KIAA0232: variants seen among roughly 807,000 people sequenced by gnomAD.
The protein encoded by KIAA0232 is KIAA0232, also known as uncharacterized protein KIAA0232.
A neutral mutation model predicts 122.0 loss-of-function variants in KIAA0232; 27 were observed. The observed-to-expected ratio is 0.22, with a 90% CI of 0.16 to 0.31. KIAA0232 has a LOEUF of 0.31. KIAA0232 is among the 10% of genes least tolerant of loss of function. KIAA0232 has a pLI of 1.00. For synonymous variants in KIAA0232, 613 were observed against 587.6 expected, an observed-to-expected ratio of 1.04 and a Z score of -0.63; for missense variants, 1,551 against 1,634.2, an observed-to-expected ratio of 0.95 and a Z score of 0.88.
At chr4:6,813,414 A>C (rs1044663151) in intron 2 of KIAA0232, among the ~76,000 whole-genome samples, 1 of 151,390 alleles carries the variant, frequency 6.6e-6, no homozygotes, top group South Asian at 2.1e-4. Context: ...CCAGGCTGGA[A>C]TGCAGTGGCG....
intron 2 of KIAA0232, among the ~76,000 whole-genome samples, chr4:6,814,723 G>A (rs901375857): frequency 1.3e-5 from 2 of 152,126 alleles, no homozygotes; most frequent in African/African-American, 2.4e-5. Flanking sequence ...GCTATTAAGT[G>A]GCAGAGGTGG....
Position 6,863,979 on chromosome 4 carries a change from T to C in KIAA0232, c.3597T>C (p.Thr1199=), listed in dbSNP as rs746807221. Residue 1199 remains threonine, a synonymous_variant, in exon 7 of 10, where the codon ACT becomes ACC. Coordinates refer to ENST00000307659, the MANE Select transcript of KIAA0232 (RefSeq NM_014743.3). ...CACTGGATTCCCAGGAGGAATCAAC[T>C]GGGATTCTTTCAGTAGGAAAGCAAA... ...QTSLDSQEES[T]GILSVGKQNQ... The C allele has an allele frequency of 2.5e-6, 4 of 1,614,108 alleles. No individual in the cohort carries two copies. The South Asian group carries it at 4.4e-5, about 18-fold the overall frequency.
rs1021945898 is a variant in KIAA0232 at position 6,804,601 on chromosome 4, C to T, written c.-275C>T. Reference sequence around the variant, plus strand: ...CCGGAGAATGCGTTGAGAATGAAGACAACCAGTAAGTCCCTAAGTGTATGT... The same window carrying T: ...CCGGAGAATGCGTTGAGAATGAAGATAACCAGTAAGTCCCTAAGTGTATGT... On this transcript the variant is annotated 5_prime_UTR_variant, in exon 2 of 10. Transcript: ENST00000307659. The T allele has an allele frequency of 3.3e-5, 5 of 152,176 alleles. No individual in the cohort carries two copies. The highest frequency in any genetic ancestry group is 1.2e-4 in the African/African-American group (5 of 41,408). 9.4% of individuals were successfully genotyped at this position (152,176 alleles called of 1,614,324 possible).
chr4:6,848,994 G>A (rs559980119), intron 4 of KIAA0232, among the ~76,000 whole-genome samples: 12 of 152,220 alleles, frequency 7.9e-5, no homozygotes, highest in Non-Finnish European at 1.3e-4. Context: ...CACGGGCCAT[G>A]CTAGGGACTT....
chr4:6,859,018 A>G (rs1720706849), intron 6 of KIAA0232, among the ~76,000 whole-genome samples: 1 of 150,824 alleles, frequency 6.6e-6, no homozygotes, highest in Admixed American at 6.6e-5. Flanking sequence ...GAATTTCTGG[A>G]ACCCGGGAGG....
In KIAA0232 at chr4:6,869,883, A is replaced by G. The variant is rs530138835; in HGVS notation, c.3802-1691A>G. On this transcript the variant is annotated intron_variant, in intron 7 of 9. Transcript: ENST00000307659. The stretch of plus-strand genomic sequence containing the variant: ...CTTTAGATTTTAAACTTGAACACGT[A>G]GTGAAATGTCTTTTAAAACAATGAA... Among the ~76,000 whole-genome samples, 83 of 152,370 alleles carry G rather than the reference A, an allele frequency of 5.4e-4. 4 individuals carry two copies. In the South Asian group the frequency reaches 0.017, roughly 31 times the overall value.
Position 6,864,186 on chromosome 4 carries a change from A to G in KIAA0232, c.3801+3A>G. ...TTTCTTCGGGACAGCTGGAAGAGGT[A>G]TGTGTCTGCGTGTTGGTATTTGACA... On this transcript the variant is annotated splice_donor_region_variant and intron_variant, in intron 7 of 9. Coordinates refer to ENST00000307659, the MANE Select transcript of KIAA0232 (RefSeq NM_014743.3). 1.2e-6 allele frequency: 2 copies of G among 1,604,458 alleles called. No homozygotes were observed. Among genetic ancestry groups the G allele is most frequent in the African/African-American group, 1.3e-5 (1 of 74,720 alleles).
intron 4 of KIAA0232, among the ~76,000 whole-genome samples, chr4:6,853,399 A>G (rs1296283122): frequency 6.6e-6 from 1 of 152,248 alleles, no homozygotes. Flanking sequence ...GTAACCAGCT[A>G]TTAGGAAATG....
At chr4:6,867,845 G>A (rs1012268607) in intron 7 of KIAA0232, among the ~76,000 whole-genome samples, 1 of 152,236 alleles carries the variant, frequency 6.6e-6, no homozygotes, top group African/African-American at 2.4e-5. Context: ...TGAGACAGCT[G>A]CCCCAGATCC....
chr4:6,839,091 A>C (rs552945760), intron 3 of KIAA0232, among the ~76,000 whole-genome samples: 2 of 152,236 alleles, frequency 1.3e-5, no homozygotes, highest in African/African-American at 4.8e-5. Context: ...ACGCCACTAC[A>C]CTCCAGCCTG....
At chr4:6,816,449 A>AT (rs1016030769) in intron 2 of KIAA0232, among the ~76,000 whole-genome samples, 3 of 151,752 alleles carry the variant, frequency 2.0e-5, no homozygotes, top group Admixed American at 1.3e-4. Context: ...CGCCTGGCTA[A>AT]TTTTTTTGTA....
At chr4:6,838,053 C>T (rs1005026640) in intron 3 of KIAA0232, among the ~76,000 whole-genome samples, 1 of 152,180 alleles carries the variant, frequency 6.6e-6, no homozygotes, top group Admixed American at 6.5e-5. Flanking sequence ...TACTCCCATT[C>T]TGTAGAATTA....
At chr4:6,789,365 G>A (rs958706222) in intron 1 of KIAA0232, among the ~76,000 whole-genome samples, 13 of 149,044 alleles carry the variant, frequency 8.7e-5, no homozygotes, top group African/African-American at 2.7e-4. Flanking sequence ...CCTCTGTCTC[G>A]TGGGTTCAAG....
chr4:6,857,264 G>A (rs1190478723), intron 5 of KIAA0232, 34 bp downstream of exon 5: 1 of 1,555,662 alleles, frequency 6.4e-7, no homozygotes, highest in Admixed American at 1.8e-5. Context: ...ACACATGCCA[G>A]GATTACATCC....
intron 4 of KIAA0232, among the ~76,000 whole-genome samples, chr4:6,854,041 G>T (rs1034086957): frequency 6.6e-6 from 1 of 152,096 alleles, no homozygotes; most frequent in Non-Finnish European, 1.5e-5. Flanking sequence ...AATCCAGAGG[G>T]GTTTTGGTGG....
Position 6,861,208 on chromosome 4 carries a change from C to T in KIAA0232, c.826C>T (p.Arg276Ter). Residue 276 changes from arginine to a stop codon, truncating the protein, a stop_gained, in exon 7 of 10, where the codon CGA becomes TGA. Coordinates refer to ENST00000307659, the MANE Select transcript of KIAA0232 (RefSeq NM_014743.3). LOFTEE classifies it high-confidence loss of function. ...GCCTGCTTTGTACAAAAAGCAAATC[C>T]GACATAAACCTGAAGGAAAGATTCG... is the stretch of plus-strand genomic sequence containing the variant. ...EKPALYKKQI[R>*]HKPEGKIRPR... 6.2e-7 allele frequency: 1 copy of T among 1,614,060 alleles called. No homozygotes were observed. The highest frequency in any genetic ancestry group is 8.5e-7 in the Non-Finnish European group (1 of 1,180,032).
intron 7 of KIAA0232, among the ~76,000 whole-genome samples, chr4:6,866,948 C>A (rs1049749760): frequency 3.9e-5 from 6 of 152,168 alleles, no homozygotes; most frequent in African/African-American, 1.4e-4. Context: ...TGTACATACA[C>A]AGTGAAAGGT....
At chr4:6,790,180 G>A (rs928323175) in intron 1 of KIAA0232, among the ~76,000 whole-genome samples, 10 of 152,150 alleles carry the variant, frequency 6.6e-5, no homozygotes, top group Non-Finnish European at 2.9e-5. Context: ...TGGAATGACT[G>A]TTGAGATTTC....
intron 4 of KIAA0232, among the ~76,000 whole-genome samples, chr4:6,843,339 T>A (rs1719763526): frequency 6.6e-6 from 1 of 152,186 alleles, no homozygotes; most frequent in Admixed American, 6.5e-5. Context: ...AATTGTTGAA[T>A]GGTCTAGTGT....
Sources: allele counts gnomAD v4.1 joint callset (sites outside exome capture counted in the v4.1 genomes callset), GRCh38; gene constraint gnomAD v4.1.1; transcripts MANE v1.5; gene names NCBI Gene and HGNC (gene_info 2026-07-23, HGNC 2026-07-21).